CLNK: variants seen among roughly 807,000 people sequenced by gnomAD.
The protein encoded by CLNK is cytokine dependent hematopoietic cell linker.
Under a neutral mutation model 68.6 loss-of-function variants are expected in CLNK, and 74 were observed. The ratio of observed to expected loss-of-function variants is 1.08; its 90% CI spans 0.89 to 1.31. CLNK has a LOEUF of 1.31. Ranked by LOEUF, CLNK falls within the 50% of genes most tolerant of loss-of-function variation. The pLI is 0.00. For missense variants in CLNK, 553 were observed against 515.3 expected (o/e 1.07, Z -0.71); for synonymous variants, 198 against 172.2 (o/e 1.15, Z -1.17).
intron 7 of CLNK, among the ~76,000 whole-genome samples, chr4:10,560,275 A>G (rs1315591201): frequency 6.6e-6 from 1 of 152,204 alleles, no homozygotes. Flanking sequence ...CCTATTGCTA[A>G]GCACAGAGCT....
At chr4:10,497,986 G>A (rs1376661988) in intron 18 of CLNK, among the ~76,000 whole-genome samples, 3 of 152,144 alleles carry the variant, frequency 2.0e-5, no homozygotes, top group South Asian at 2.1e-4. Flanking sequence ...ACCTGAGGTC[G>A]GGAGTTCCAG....
the CLNK span, chr4:10,697,160 A>G: frequency 1.3e-5 from 2 of 152,186 alleles, no homozygotes; most frequent in African/African-American, 4.8e-5. Context: ...CAAAATAAAT[A>G]TTAAAATCCC....
intron 6 of CLNK, 96 bp downstream of exon 6, chr4:10,565,913 A>G (rs1720089647): frequency 7.5e-7 from 1 of 1,339,534 alleles, no homozygotes; most frequent in East Asian, 2.5e-5. Flanking sequence ...ACGTTAACCT[A>G]GGGTTGTTTA....
At chr4:10,493,412 C>G (rs574113224) in intron 18 of CLNK, among the ~76,000 whole-genome samples, 48 of 152,142 alleles carry the variant, frequency 3.2e-4, no homozygotes, top group Non-Finnish European at 5.3e-4. Flanking sequence ...AGTCCAAGAT[C>G]GAGGCACTGG....
chr4:10,541,221 A>C (rs1194698854), intron 10 of CLNK, among the ~76,000 whole-genome samples: 10 of 26,918 alleles, frequency 3.7e-4, no homozygotes, highest in Non-Finnish European at 1.0e-4. Context: ...CAAAAAAAAA[A>C]CAAAAAAAAA....
At chr4:10,605,976 C>G (rs1721773097) in intron 2 of CLNK, among the ~76,000 whole-genome samples, 1 of 152,002 alleles carries the variant, frequency 6.6e-6, no homozygotes. Flanking sequence ...AGGCCTAGGA[C>G]ATGACTGTAC....
At chr4:10,639,109 T>A (rs905497362) in intron 2 of CLNK, among the ~76,000 whole-genome samples, 1 of 152,204 alleles carries the variant, frequency 6.6e-6, no homozygotes, top group East Asian at 1.9e-4. Flanking sequence ...TGTACTGAAG[T>A]GGGCATTTCA....
At chr4:10,698,014 T>C in the CLNK span, among the ~76,000 whole-genome samples, 4 of 152,210 alleles carry the variant, frequency 2.6e-5, no homozygotes, top group Non-Finnish European at 5.9e-5. Flanking sequence ...CCGTTTTGTG[T>C]TAATTTCTGT....
At chr4:10,613,603 A>G (rs1295260163) in intron 2 of CLNK, among the ~76,000 whole-genome samples, 7 of 152,160 alleles carry the variant, frequency 4.6e-5, no homozygotes, top group African/African-American at 9.7e-5. Flanking sequence ...TTATGACTCA[A>G]TAGGATCTCT....
At chr4:10,529,057 T>C (rs1718430825) in intron 12 of CLNK, among the ~76,000 whole-genome samples, 1 of 152,214 alleles carries the variant, frequency 6.6e-6, no homozygotes, top group Non-Finnish European at 1.5e-5. Context: ...TGCTGTAGTA[T>C]TTATTTAACT....
intron 2 of CLNK, among the ~76,000 whole-genome samples, chr4:10,609,799 C>G (rs1721937975): frequency 6.6e-6 from 1 of 152,120 alleles, no homozygotes; most frequent in South Asian, 2.1e-4. Flanking sequence ...AAGCATGAAG[C>G]TGGGTGGAAA....
the CLNK span, among the ~76,000 whole-genome samples, chr4:10,727,430 C>T: frequency 6.6e-6 from 1 of 152,208 alleles, no homozygotes; most frequent in Non-Finnish European, 1.5e-5. Context: ...CACTCACTAG[C>T]TGTGTTAATG....
chr4:10,568,377 G>C (rs1720206707), intron 5 of CLNK, among the ~76,000 whole-genome samples: 1 of 152,114 alleles, frequency 6.6e-6, no homozygotes, highest in South Asian at 2.1e-4. Flanking sequence ...CCAAGGTCTG[G>C]GGGAAGGGGG....
chr4:10,615,465 A>G (rs1321627303), intron 2 of CLNK, among the ~76,000 whole-genome samples: 5 of 152,058 alleles, frequency 3.3e-5, no homozygotes, highest in Non-Finnish European at 5.9e-5. Context: ...TGCAGTAAGC[A>G]GAGGTCGTGC....
rs1553848182 is a variant in CLNK at position 10,537,706 on chromosome 4, C to CTTT, written c.602+2787_602+2788insAAA. 7.5e-4 allele frequency among the ~76,000 whole-genome samples: 10 copies of CTTT among 13,404 alleles called. 2 individuals carry two copies. The highest frequency in any genetic ancestry group is 1.2e-3 in the Admixed American group (1 of 864). 8.8% of individuals were successfully genotyped at this position (13,404 alleles called of 152,430 possible). The stretch of plus-strand genomic sequence containing the variant: ...TCCTTCCTTCCTTCCTTCCTTCCTT[C>CTTT]CTTTCTTTCTTTCTTTCTTTCTTTC... On this transcript the variant is annotated intron_variant, in intron 11 of 18. Transcript: ENST00000226951.
chr4:10,630,915 G>T (rs1279236712), intron 2 of CLNK, among the ~76,000 whole-genome samples: 1 of 152,082 alleles, frequency 6.6e-6, no homozygotes, highest in East Asian at 1.9e-4. Context: ...AGGCGTATTT[G>T]CCAAATGAAT....
At chr4:10,512,216 A>T (rs1717618052) in intron 16 of CLNK, among the ~76,000 whole-genome samples, 1 of 152,038 alleles carries the variant, frequency 6.6e-6, no homozygotes, top group Non-Finnish European at 1.5e-5. Context: ...ACAAGGGACA[A>T]TAAAAGAAGG....
chr4:10,655,811 A>G (rs1294779144), intron 2 of CLNK, among the ~76,000 whole-genome samples: 1 of 151,634 alleles, frequency 6.6e-6, no homozygotes, highest in African/African-American at 2.4e-5. Flanking sequence ...CACCACGCCC[A>G]GCTAGTTTTT....
intron 1 of CLNK, among the ~76,000 whole-genome samples, chr4:10,681,503 A>G (rs1725090220): frequency 6.6e-6 from 1 of 152,248 alleles, no homozygotes; most frequent in Non-Finnish European, 1.5e-5. Flanking sequence ...TGTTGTATCT[A>G]GACCTTTTGG....
Sources: allele counts gnomAD v4.1 joint callset (sites outside exome capture counted in the v4.1 genomes callset), GRCh38; gene constraint gnomAD v4.1.1; transcripts MANE v1.5; gene names NCBI Gene and HGNC (gene_info 2026-07-23, HGNC 2026-07-21).